Variants in NBR1 observed in about 807,000 individuals in gnomAD.
NBR1 encodes the protein NBR1 autophagy cargo receptor.
NBR1 carries 59 observed loss-of-function variants against 115.5 expected under a neutral mutation model. That is an observed-to-expected ratio of 0.51 (90% CI 0.41 to 0.63). The LOEUF (loss-of-function observed/expected upper bound fraction) is 0.63. NBR1 is among the 30% of genes least tolerant of loss of function. The pLI is 0.00. For synonymous variants in NBR1, 373 were observed against 414.7 expected (o/e 0.90, Z 1.22); for missense variants, 1,043 against 1,150.5 (o/e 0.91, Z 1.35).
At chr17:43,202,274 A>G (rs953707474) in intron 18 of NBR1, among the ~76,000 whole-genome samples, 1 of 151,722 alleles carries the variant, frequency 6.6e-6, no homozygotes, top group Non-Finnish European at 1.5e-5. Context: ...GTTAGACCTC[A>G]TAGAGGTAGT....
In NBR1 at chr17:43,201,723, G is replaced by A. The variant is rs372276613; in HGVS notation, c.2506G>A (p.Val836Met). The change falls in exon 18 of 21, where the codon GTG (valine) becomes ATG (methionine). Residue 836 changes from valine (V) to methionine (M), a missense_variant. Coordinates refer to ENST00000590996, the MANE Select transcript of NBR1 (RefSeq NM_005899.5). ...PCVHHHGSPG[V>M]DLPVTIPEVS... ...TGTACATCATCATGGTTCCCCAGGA[G>A]TGGATTTACCAGTTACCATACCAGA... 30 of 1,609,116 alleles carry A rather than the reference G, an allele frequency of 1.9e-5. No homozygotes were observed. Among genetic ancestry groups the A allele is most frequent in the Non-Finnish European group, 2.6e-5 (30 of 1,175,568 alleles).
chr17:43,173,364 C>T (rs1273111427), intron 1 of NBR1, among the ~76,000 whole-genome samples: 1 of 152,016 alleles, frequency 6.6e-6, no homozygotes, highest in Admixed American at 6.6e-5. Context: ...TCTTGGCTCA[C>T]TGCAACCTTG....
intron 2 of NBR1, chr17:43,176,483 T>A (rs1299312858): frequency 1.3e-5 from 2 of 152,286 alleles, no homozygotes; most frequent in African/African-American, 2.4e-5. Flanking sequence ...TTTTACTTCC[T>A]GTGTTGACTG....
rs2056800908 is a variant in NBR1, at chr17:43,186,343, C to T, written c.301C>T (p.Arg101Ter). 1.9e-6 allele frequency: 3 copies of T among 1,597,562 alleles called. No individual in the cohort carries two copies. The highest frequency in any genetic ancestry group is 1.3e-5 in the African/African-American group (1 of 74,572). ...EAPPPVVGAK[R>*]LAARAGKKPL... ...CCCACCCCCAGTTGTAGGAGCAAAACGACTAGCTGCCAGGGCAGGGAAGAA... is the reference window on the plus strand; with the variant it reads ...CCCACCCCCAGTTGTAGGAGCAAAATGACTAGCTGCCAGGGCAGGGAAGAA... Residue 101 changes from arginine to a stop codon, truncating the protein, a stop_gained, in exon 6 of 21, where the codon CGA becomes TGA. Transcript: ENST00000590996. LOFTEE classifies it high-confidence loss of function.
intron 6 of NBR1, among the ~76,000 whole-genome samples, chr17:43,187,241 C>T (rs952027520): frequency 1.3e-5 from 2 of 152,040 alleles, no homozygotes; most frequent in African/African-American, 4.8e-5. Context: ...AGTGCAGTGG[C>T]GCGATCTCGG....
rs758583796 is a variant in NBR1, at chr17:43,177,918, T to C, written c.103-18T>C. ...GTGTACATTATAACCTGCCTTTAAA[T>C]ATGTATCTCTTTTATAGGTAAAAGT... On this transcript the variant is annotated intron_variant, in intron 2 of 20. Coordinates refer to ENST00000590996, the MANE Select transcript of NBR1 (RefSeq NM_005899.5). The C allele has an allele frequency of 1.3e-6, 2 of 1,491,466 alleles. No homozygotes were observed. The highest frequency in any genetic ancestry group is 9.1e-7 in the Non-Finnish European group (1 of 1,101,372). The allele number at this position is 1,491,466 out of a possible 1,614,324, so 92.4% of individuals were successfully genotyped here.
At chr17:43,180,615 ACT>A (rs1391813784) in intron 4 of NBR1, among the ~76,000 whole-genome samples, 178 bp from the exon 5 acceptor site, 2 of 152,218 alleles carry the variant, frequency 1.3e-5, no homozygotes, top group Non-Finnish European at 2.9e-5. Context: ...CGATTATTTA[ACT>A]ATAATATGTT....
rs934875412 is a variant in NBR1, at chr17:43,201,678, T to C, written c.2469-8T>C. On this transcript the variant is annotated splice_region_variant and splice_polypyrimidine_tract_variant and intron_variant, in intron 17 of 20. Transcript: ENST00000590996. ...CAATTTACTTTCCATATTGTGTCTT[T>C]CTGAAAGGAGCTCTCCTTGTGTACA... The C allele has an allele frequency of 6.4e-7, 1 of 1,555,944 alleles. No individual in the cohort carries two copies.
At chr17:43,196,862 G>A in intron 15 of NBR1, 80 bp from the exon 16 acceptor site, 2 of 1,513,202 alleles carry the variant, frequency 1.3e-6, no homozygotes, top group East Asian at 4.5e-5. Flanking sequence ...CCTTGGTTTA[G>A]TTTTAGCATG....
At chr17:43,188,324 A>G (rs1393240239) in intron 6 of NBR1, among the ~76,000 whole-genome samples, 1 of 151,892 alleles carries the variant, frequency 6.6e-6, no homozygotes, top group East Asian at 1.9e-4. Flanking sequence ...TTTTTCTTGT[A>G]AATTTGTTTA....
intron 16 of NBR1, 113 bp downstream of exon 16, chr17:43,197,219 A>G (rs2057089451): frequency 9.2e-7 from 1 of 1,081,256 alleles, no homozygotes; most frequent in African/African-American, 1.6e-5. Flanking sequence ...GAGTGATCTT[A>G]GTTAGAAGTT....
Position 43,211,480 on chromosome 17 carries a change from G to A in NBR1, c.*1406G>A, listed in dbSNP as rs1018520273. 5 of 152,586 alleles carry A rather than the reference G, an allele frequency of 3.3e-5. No homozygotes were observed. Among genetic ancestry groups the A allele is most frequent in the Non-Finnish European group, 7.3e-5 (5 of 68,042 alleles). 9.5% of individuals were successfully genotyped at this position (152,586 alleles called of 1,614,324 possible). The stretch of plus-strand genomic sequence containing the variant: ...CAGGATTCAAACTGCAAGCCAGCCA[G>A]GCCGTTCATTATTTAAAACGTTTTA... On this transcript the variant is annotated 3_prime_UTR_variant, in exon 21 of 21. Transcript: ENST00000590996.
At position 43,202,576 on chromosome 17, in the gene NBR1, A is replaced by C. The variant is rs934620318; in HGVS notation, c.2564-79A>C. 4.0e-6 allele frequency: 4 copies of C among 1,011,464 alleles called. No homozygotes were observed. In the Admixed American group the frequency reaches 1.0e-4, roughly 25 times the overall value. 62.7% of individuals were successfully genotyped at this position (1,011,464 alleles called of 1,614,324 possible). On this transcript the variant is annotated intron_variant, in intron 18 of 20. Transcript: ENST00000590996. ...CTGTGATCAGATTGCCACCTGCCTC[A>C]ATAATAGCCTTGCTGTGAGTTAGGA...
intron 1 of NBR1, among the ~76,000 whole-genome samples, chr17:43,173,446 C>T (rs1302724361): frequency 3.9e-5 from 6 of 152,130 alleles, no homozygotes; most frequent in African/African-American, 9.7e-5. Context: ...CGCCACTACA[C>T]GCAGCTAATT....
chr17:43,201,729 T>C lies in NBR1; in HGVS notation c.2512T>C (p.Leu838=). ...TCATCATGGTTCCCCAGGAGTGGAT[T>C]TACCAGTTACCATACCAGAAGTTTC... ...VHHHGSPGVD[L]PVTIPEVSSV... is the part of the protein sequence containing the mutation. The change falls in exon 18 of 21, where the codon TTA becomes CTA. Residue 838 remains leucine (L), a synonymous_variant. Transcript: ENST00000590996. 1.9e-6 allele frequency: 3 copies of C among 1,609,484 alleles called. No individual in the cohort carries two copies. Among genetic ancestry groups the C allele is most frequent in the Non-Finnish European group, 2.6e-6 (3 of 1,175,780 alleles).
At position 43,175,228 on chromosome 17, in the gene NBR1, G is replaced by A. The variant is rs878857205; in HGVS notation, c.-9-563G>A. On this transcript the variant is annotated intron_variant, in intron 1 of 20. Coordinates refer to ENST00000590996, the MANE Select transcript of NBR1 (RefSeq NM_005899.5). ...GGCTAGTGTTTTGGCCTGTAAGTTC[G>A]TAAAACTGGTAGAAAACCTAGGTTC... is the stretch of plus-strand genomic sequence containing the variant. Among the ~76,000 whole-genome samples the A allele has an allele frequency of 3.9e-5, 6 of 152,300 alleles. No individual in the cohort carries two copies. In the South Asian group the frequency reaches 8.3e-4, roughly 21 times the overall value.
intron 6 of NBR1, among the ~76,000 whole-genome samples, chr17:43,188,031 C>T (rs2154582143): frequency 6.6e-6 from 1 of 151,906 alleles, no homozygotes; most frequent in Middle Eastern, 3.4e-3. Context: ...GCTGGGATTA[C>T]AGGCGCCCAC....
intron 20 of NBR1, among the ~76,000 whole-genome samples, chr17:43,209,121 G>A (rs2057369859): frequency 6.6e-6 from 1 of 150,708 alleles, no homozygotes; most frequent in Non-Finnish European, 1.5e-5. Flanking sequence ...CTGTCACCCA[G>A]GCTGGAGTGC....
At chr17:43,198,882 G>A (rs1427514341) in intron 16 of NBR1, among the ~76,000 whole-genome samples, 1 of 152,014 alleles carries the variant, frequency 6.6e-6, no homozygotes, top group African/African-American at 2.4e-5. Context: ...AGAATGGCGT[G>A]AACCTGGGAG....
Sources: allele counts gnomAD v4.1 joint callset (sites outside exome capture counted in the v4.1 genomes callset), GRCh38; gene constraint gnomAD v4.1.1; transcripts MANE v1.5; gene names NCBI Gene and HGNC (gene_info 2026-07-23, HGNC 2026-07-21).